Variants in SDK1 observed in about 807,000 individuals in gnomAD.
The protein encoded by SDK1 is sidekick cell adhesion molecule 1.
In SDK1, 157 loss-of-function variants were observed where a neutral mutation model predicts 245.5. The observed-to-expected ratio is 0.64, with a 90% CI of 0.56 to 0.73. The LOEUF (loss-of-function observed/expected upper bound fraction) is 0.73. SDK1 is among the 30% of genes least tolerant of loss of function. The pLI, the probability that SDK1 is intolerant of heterozygous loss-of-function variation, is 0.00. For synonymous variants in SDK1, 1,647 were observed against 1,278.5 expected (o/e 1.29, Z -6.15); for missense variants, 3,583 against 3,002.3 (o/e 1.19, Z -4.52).
chr7:3,974,405 A>G lies in SDK1; in HGVS notation c.1854A>G (p.Pro618=). The G allele has an allele frequency of 6.2e-7, 1 of 1,614,056 alleles. No homozygotes were observed. Residue 618 remains proline (P), a synonymous_variant, in exon 13 of 45, where the codon CCA becomes CCG. Coordinates refer to ENST00000404826, the MANE Select transcript of SDK1 (RefSeq NM_152744.4). ...AGAAGGACAACGTGGCCCTGACTCC[A>G]TCGAGCACGTCTAGGATCGTGGTGG... ...VWKKDNVALT[P]SSTSRIVVEK... is the part of the protein sequence containing the mutation.
At chr7:3,676,621 T>G (rs894712220) in intron 4 of SDK1, among the ~76,000 whole-genome samples, 3 of 152,184 alleles carry the variant, frequency 2.0e-5, no homozygotes, top group South Asian at 4.1e-4. Flanking sequence ...CACCACGCCT[T>G]GCCCTCTTCT....
intron 4 of SDK1, among the ~76,000 whole-genome samples, chr7:3,711,098 T>A (rs919713007): frequency 2.0e-5 from 3 of 152,248 alleles, no homozygotes; most frequent in African/African-American, 7.2e-5. Context: ...GAAAATAGTT[T>A]CGTATCCAAA....
intron 4 of SDK1, among the ~76,000 whole-genome samples, chr7:3,703,110 C>T (rs147065958): frequency 1.3e-5 from 2 of 150,730 alleles, no homozygotes; most frequent in Non-Finnish European, 2.9e-5. Context: ...CTTAGTTCTC[C>T]TGAACGTTTG....
intron 4 of SDK1, among the ~76,000 whole-genome samples, chr7:3,792,910 C>G (rs1209924792): frequency 1.3e-5 from 2 of 152,194 alleles, no homozygotes; most frequent in Admixed American, 1.3e-4. Flanking sequence ...ACATAGAAAG[C>G]TTAATGAGTG....
chr7:3,817,155 T>A (rs1779528093), intron 4 of SDK1, among the ~76,000 whole-genome samples: 1 of 152,222 alleles, frequency 6.6e-6, no homozygotes, highest in Non-Finnish European at 1.5e-5. Context: ...TATATTTTCA[T>A]GGAAGCCAAC....
chr7:3,510,933 T>G (rs1782557758), intron 1 of SDK1, among the ~76,000 whole-genome samples: 2 of 152,308 alleles, frequency 1.3e-5, no homozygotes, highest in South Asian at 4.1e-4. Context: ...TTTCCTTCCG[T>G]GGGAAGCCAT....
At chr7:4,075,648 T>C (rs1780623248) in intron 20 of SDK1, among the ~76,000 whole-genome samples, 1 of 151,308 alleles carries the variant, frequency 6.6e-6, no homozygotes, top group Non-Finnish European at 1.5e-5. Flanking sequence ...AGTTGGGTCT[T>C]ATTTCTCCTT....
Position 3,829,267 on chromosome 7 carries a change from A to G in SDK1, c.847+7684A>G, listed in dbSNP as rs143218184. Among the ~76,000 whole-genome samples the G allele has an allele frequency of 5.3e-5, 8 of 152,324 alleles. No individual in the cohort carries two copies. In the East Asian group the frequency reaches 1.5e-3, roughly 29 times the overall value. On this transcript the variant is annotated intron_variant, in intron 5 of 44. Transcript: ENST00000404826. The stretch of plus-strand genomic sequence containing the variant: ...CAGTTTTACAAAATTGTTTTAGGTG[A>G]TCTAGGAACAACAACTGTTTGAAGC...
At chr7:4,256,824 G>A (rs748182413) in intron 44 of SDK1, among the ~76,000 whole-genome samples, 2 of 152,126 alleles carry the variant, frequency 1.3e-5, no homozygotes, top group African/African-American at 2.4e-5. Context: ...CCTGAGAAGC[G>A]AAGATTTCAC....
At chr7:3,745,018 G>C (rs144266893) in intron 4 of SDK1, among the ~76,000 whole-genome samples, 2 of 151,984 alleles carry the variant, frequency 1.3e-5, no homozygotes, top group Non-Finnish European at 2.9e-5. Context: ...AGATTAAACC[G>C]GCCTCCATGT....
intron 17 of SDK1, among the ~76,000 whole-genome samples, chr7:4,041,734 G>C (rs1208438044): frequency 1.5e-5 from 2 of 137,302 alleles, no homozygotes; most frequent in Non-Finnish European, 3.0e-5. Flanking sequence ...CTTTCACTGA[G>C]GAATGTTTAA....
At chr7:3,512,874 G>T (rs960847484) in intron 1 of SDK1, among the ~76,000 whole-genome samples, 1 of 151,930 alleles carries the variant, frequency 6.6e-6, no homozygotes, top group African/African-American at 2.4e-5. Context: ...TTATGTCATT[G>T]TAACAGGTAT....
chr7:3,988,192 C>T (rs1481362451), intron 14 of SDK1, among the ~76,000 whole-genome samples: 1 of 148,096 alleles, frequency 6.8e-6, no homozygotes, highest in South Asian at 2.2e-4. Context: ...TCTCTGCTCC[C>T]AGCACCCCGC....
At chr7:3,604,586 CTTTTTCTTTTCTTTTCT>C (rs1781358892) in intron 1 of SDK1, among the ~76,000 whole-genome samples, 1 of 144,676 alleles carries the variant, frequency 6.9e-6, no homozygotes, top group Non-Finnish European at 1.5e-5. Flanking sequence ...CAGACTTTTT[CTTTTTCTTTTCTTTTCT>C]TTTTTTTTTT....
chr7:3,745,018 G>A (rs144266893), intron 4 of SDK1, among the ~76,000 whole-genome samples: 59 of 152,102 alleles, frequency 3.9e-4, no homozygotes, highest in African/African-American at 1.3e-3. Flanking sequence ...AGATTAAACC[G>A]GCCTCCATGT....
At chr7:3,302,371 C>G (rs180695087) in intron 1 of SDK1, 2 of 152,232 alleles carry the variant, frequency 1.3e-5, no homozygotes, top group East Asian at 3.9e-4. Flanking sequence ...CTGCTCCTGA[C>G]TCCCCCAAGT....
intron 9 of SDK1, among the ~76,000 whole-genome samples, chr7:3,963,771 A>G (rs566925931): frequency 1.8e-4 from 27 of 152,104 alleles, no homozygotes; most frequent in African/African-American, 6.5e-4. Context: ...ACCAGTGGGT[A>G]CACCCAGGCT....
At chr7:3,864,113 GTT>G (rs148425513) in intron 5 of SDK1, among the ~76,000 whole-genome samples, 7,170 of 151,850 alleles carry the variant, frequency 0.047, 545 homozygotes, top group African/African-American at 0.16. Context: ...TTTTGTTTTT[GTT>G]TTTGTTTTCA....
At chr7:3,364,647 C>A (rs912172620) in intron 1 of SDK1, among the ~76,000 whole-genome samples, 1 of 152,078 alleles carries the variant, frequency 6.6e-6, no homozygotes, top group African/African-American at 2.4e-5. Flanking sequence ...GTATGTCCCC[C>A]AGCTGATAAT....
Sources: allele counts gnomAD v4.1 joint callset (sites outside exome capture counted in the v4.1 genomes callset), GRCh38; gene constraint gnomAD v4.1.1; transcripts MANE v1.5; gene names NCBI Gene and HGNC (gene_info 2026-07-23, HGNC 2026-07-21).